NELL1: variants seen among roughly 807,000 people sequenced by gnomAD.
NELL1 encodes the protein protein kinase C-binding protein NELL1.
NELL1 carries 76 observed loss-of-function variants against 107.4 expected under a neutral mutation model. The ratio of observed to expected loss-of-function variants is 0.71; its 90% CI spans 0.59 to 0.86. NELL1 has a LOEUF of 0.86. NELL1 is among the 40% of genes least tolerant of loss of function. NELL1 has a pLI of 0.00. For missense variants in NELL1, 1,024 were observed against 1,005.5 expected (o/e 1.02, Z -0.25); for synonymous variants, 353 against 341.2 (o/e 1.03, Z -0.38).
intron 15 of NELL1, among the ~76,000 whole-genome samples, chr11:21,402,549 A>G (rs536393558): frequency 1.1e-4 from 16 of 151,918 alleles, no homozygotes; most frequent in Middle Eastern, 3.4e-3. Flanking sequence ...CAGATTGCCA[A>G]GTATGATCAT....
chr11:20,955,644 C>T (rs1851155380), intron 11 of NELL1, among the ~76,000 whole-genome samples: 1 of 152,058 alleles, frequency 6.6e-6, no homozygotes, highest in Non-Finnish European at 1.5e-5. Context: ...TTTCAAGTGC[C>T]TTACATGGAT....
chr11:21,297,117 A>G (rs1849391257), intron 14 of NELL1, among the ~76,000 whole-genome samples: 1 of 151,864 alleles, frequency 6.6e-6, no homozygotes. Flanking sequence ...CTGTGGGAAA[A>G]GGGATCAAAG....
In NELL1 at chr11:20,938,940, C is replaced by CTCTCTCTG. The variant is rs1216133538; in HGVS notation, c.1071+1082_1071+1083insCTCTCTGT. Among the ~76,000 whole-genome samples the CTCTCTCTG allele has an allele frequency of 1.3e-3, 75 of 57,386 alleles. 1 individual carries two copies. The highest frequency in any genetic ancestry group is 0.01 in the Admixed American group (50 of 4,914). 37.6% of individuals were successfully genotyped at this position (57,386 alleles called of 152,430 possible). On this transcript the variant is annotated intron_variant, in intron 10 of 19. Transcript: ENST00000357134. ...TCTCTCTCTCTCTCTCTCTCTCTCT[C>CTCTCTCTG]TGTGTGTGTGTGTGTGTGTGTGTGC...
intron 2 of NELL1, among the ~76,000 whole-genome samples, chr11:20,681,428 T>C (rs1344941535): frequency 6.6e-6 from 1 of 152,142 alleles, no homozygotes; most frequent in Non-Finnish European, 1.5e-5. Context: ...CATTCAATAA[T>C]ATGTCCCTCA....
chr11:21,052,814 C>T (rs1914248), intron 12 of NELL1, among the ~76,000 whole-genome samples: 148,609 of 152,142 alleles, frequency 0.98, 72,644 homozygotes, highest in East Asian at 1. Flanking sequence ...CTTGGCCTGT[C>T]TGAAGAAACA....
chr11:20,702,125 A>T (rs1854808334), intron 2 of NELL1, among the ~76,000 whole-genome samples: 1 of 151,984 alleles, frequency 6.6e-6, no homozygotes, highest in African/African-American at 2.4e-5. Context: ...CATGATACTG[A>T]GTTTCCTATC....
At chr11:21,247,198 G>C (rs553269743) in intron 14 of NELL1, among the ~76,000 whole-genome samples, 1 of 152,082 alleles carries the variant, frequency 6.6e-6, no homozygotes, top group Non-Finnish European at 1.5e-5. Flanking sequence ...GTACACTATG[G>C]TAGGCTGTAT....
intron 12 of NELL1, among the ~76,000 whole-genome samples, chr11:21,003,264 T>A (rs1852262329): frequency 6.6e-6 from 1 of 152,198 alleles, no homozygotes; most frequent in Non-Finnish European, 1.5e-5. Flanking sequence ...ATGTGTTGTT[T>A]TTCCCATTTA....
chr11:21,281,923 A>C (rs528724438), intron 14 of NELL1, among the ~76,000 whole-genome samples: 1 of 152,366 alleles, frequency 6.6e-6, no homozygotes, highest in African/African-American at 2.4e-5. Context: ...AGTCTCCTGG[A>C]TATTTGCCTG....
Position 21,419,152 on chromosome 11 carries a change from C to G in NELL1, c.1645+48204C>G, listed in dbSNP as rs557531608. Among the ~76,000 whole-genome samples, 4 of 152,162 alleles carry G rather than the reference C, an allele frequency of 2.6e-5. No individual in the cohort carries two copies. The East Asian group carries it at 7.7e-4, about 29-fold the overall frequency. On this transcript the variant is annotated intron_variant, in intron 15 of 19. Transcript: ENST00000357134. ...CTTACACTGCTCTGTAATGCACGACCTTTGACCAAGTCTCTTATACTTGAG... is the reference window on the plus strand; with the variant it reads ...CTTACACTGCTCTGTAATGCACGACGTTTGACCAAGTCTCTTATACTTGAG...
At chr11:21,224,468 G>C (rs375254859) in intron 13 of NELL1, among the ~76,000 whole-genome samples, 4 of 150,570 alleles carry the variant, frequency 2.7e-5, no homozygotes, top group African/African-American at 9.8e-5. Context: ...CTATCCTCCT[G>C]TCTCAGCCTC....
In NELL1 at chr11:21,535,478, A is replaced by G. The variant is rs894161532; in HGVS notation, c.1786+964A>G. Among the ~76,000 whole-genome samples, 3 of 152,126 alleles carry G rather than the reference A, an allele frequency of 2.0e-5. No individual in the cohort carries two copies. In the East Asian group the frequency reaches 5.8e-4, roughly 29 times the overall value. ...CTGAGATATAGTCAGTGTTTTTTCAACTTCTCCACTGATGTTGATGTAAAG... is the reference window on the plus strand; with the variant it reads ...CTGAGATATAGTCAGTGTTTTTTCAGCTTCTCCACTGATGTTGATGTAAAG... On this transcript the variant is annotated intron_variant, in intron 16 of 19. Coordinates refer to ENST00000357134, the MANE Select transcript of NELL1 (RefSeq NM_006157.5).
At chr11:21,115,840 A>G (rs1855223256) in intron 13 of NELL1, among the ~76,000 whole-genome samples, 1 of 152,000 alleles carries the variant, frequency 6.6e-6, no homozygotes, top group Admixed American at 6.6e-5. Flanking sequence ...CATCATTATC[A>G]TCACTGCCTC....
chr11:20,756,603 C>T (rs768365302), intron 2 of NELL1, among the ~76,000 whole-genome samples: 8 of 149,962 alleles, frequency 5.3e-5, no homozygotes, highest in Non-Finnish European at 8.9e-5. Flanking sequence ...CCTCGTGATC[C>T]GCCCACCTTG....
chr11:21,478,100 T>C (rs763534546), intron 15 of NELL1, among the ~76,000 whole-genome samples: 1 of 152,000 alleles, frequency 6.6e-6, no homozygotes, highest in African/African-American at 2.4e-5. Context: ...ATTCTAAGCA[T>C]GGTGGAAGGT....
intron 2 of NELL1, among the ~76,000 whole-genome samples, chr11:20,696,413 T>C (rs1442195112): frequency 1.3e-5 from 2 of 152,132 alleles, no homozygotes; most frequent in African/African-American, 2.4e-5. Context: ...AGATCATTGA[T>C]GTGAGATCTT....
At chr11:20,867,920 G>T (rs1232077550) in intron 4 of NELL1, among the ~76,000 whole-genome samples, 4 of 152,134 alleles carry the variant, frequency 2.6e-5, no homozygotes, top group Admixed American at 2.0e-4. Flanking sequence ...AATTGTGAAT[G>T]AGACATTTAT....
intron 14 of NELL1, among the ~76,000 whole-genome samples, chr11:21,324,974 C>T (rs182102150): frequency 1.3e-5 from 2 of 152,122 alleles, no homozygotes; most frequent in East Asian, 3.9e-4. Flanking sequence ...TTCCAACCTC[C>T]CCCCATCTTT....
Position 20,814,033 on chromosome 11 carries a change from C to T in NELL1, c.335+30203C>T, listed in dbSNP as rs747861774. Among the ~76,000 whole-genome samples the T allele has an allele frequency of 9.9e-5, 15 of 151,716 alleles. No individual in the cohort carries two copies. The East Asian group carries it at 1.6e-3, about 16-fold the overall frequency. Reference sequence around the variant, plus strand: ...TTTGTAGAGATGGAGTCTTGCTCTGCCACCCAGGCTGGAGTGCAGTGGTGC... The same window carrying T: ...TTTGTAGAGATGGAGTCTTGCTCTGTCACCCAGGCTGGAGTGCAGTGGTGC... On this transcript the variant is annotated intron_variant, in intron 3 of 19. Coordinates refer to ENST00000357134, the MANE Select transcript of NELL1 (RefSeq NM_006157.5).
Sources: allele counts gnomAD v4.1 joint callset (sites outside exome capture counted in the v4.1 genomes callset), GRCh38; gene constraint gnomAD v4.1.1; transcripts MANE v1.5; gene names NCBI Gene and HGNC (gene_info 2026-07-23, HGNC 2026-07-21).